CDC42BPA: variants seen among roughly 807,000 people sequenced by gnomAD.
CDC42BPA encodes CDC42 binding protein kinase alpha, also known as serine/threonine-protein kinase MRCK alpha.
CDC42BPA carries 80 observed loss-of-function variants against 223.5 expected under a neutral mutation model. That is an observed-to-expected ratio of 0.36 (90% confidence interval 0.30 to 0.43). The LOEUF is 0.43. CDC42BPA is among the 20% of genes least tolerant of loss of function. The pLI is 1.00. For missense variants in CDC42BPA, 1,743 were observed against 2,099.9 expected, an observed-to-expected ratio of 0.83 and a Z score of 3.32; for synonymous variants, 694 against 718.6, an observed-to-expected ratio of 0.97 and a Z score of 0.55.
intron 2 of CDC42BPA, among the ~76,000 whole-genome samples, chr1:227,230,255 C>T (rs1171763309): frequency 1.3e-5 from 2 of 152,190 alleles, no homozygotes; most frequent in Non-Finnish European, 1.5e-5. Flanking sequence ...TAAATTTATA[C>T]TTTAGTCAAG....
At chr1:227,038,929 C>T (rs1025057732) in intron 24 of CDC42BPA, among the ~76,000 whole-genome samples, 2 of 152,122 alleles carry the variant, frequency 1.3e-5, no homozygotes, top group Non-Finnish European at 2.9e-5. Context: ...GAGAGCCAAA[C>T]GATGATAGCA....
intron 23 of CDC42BPA, among the ~76,000 whole-genome samples, chr1:227,047,429 T>A (rs1246430184): frequency 6.6e-6 from 1 of 152,214 alleles, no homozygotes; most frequent in African/African-American, 2.4e-5. Context: ...ATCCAAGGTT[T>A]ATGTTCTGGA....
At position 227,070,715 on chromosome 1, in the gene CDC42BPA, T is replaced by G. The variant is rs151320103; in HGVS notation, c.2828-862A>C. ...TGAAGCATTAAAAACATCCTTGCCCTCATACTGTAAATATCACATTATATT... is the reference window on the plus strand; with the variant it reads ...TGAAGCATTAAAAACATCCTTGCCCGCATACTGTAAATATCACATTATATT... On this transcript the variant is annotated intron_variant, in intron 20 of 36. Transcript: ENST00000366766. Among the ~76,000 whole-genome samples, 66 of 151,976 alleles carry G rather than the reference T, an allele frequency of 4.3e-4. 1 individual carries two copies. Among genetic ancestry groups the G allele is most frequent in the African/African-American group, 1.5e-3 (64 of 41,550 alleles).
chr1:227,176,789 A>T (rs116175006), intron 5 of CDC42BPA, among the ~76,000 whole-genome samples: 2,157 of 152,258 alleles, frequency 0.014, 30 homozygotes, highest in Non-Finnish European at 0.021. Flanking sequence ...TCATGGAAAC[A>T]ACATTCCTAA....
intron 34 of CDC42BPA, among the ~76,000 whole-genome samples, chr1:227,015,057 G>A (rs2148481700): frequency 6.6e-6 from 1 of 152,062 alleles, no homozygotes; most frequent in South Asian, 2.1e-4. Context: ...CTGGGCTCAA[G>A]TAACCCTCCC....
At chr1:227,174,891 G>C (rs1196081400) in intron 5 of CDC42BPA, among the ~76,000 whole-genome samples, 1 of 152,150 alleles carries the variant, frequency 6.6e-6, no homozygotes, top group East Asian at 1.9e-4. Flanking sequence ...TGCCCTCAGG[G>C]AGAGATTCTA....
intron 34 of CDC42BPA, among the ~76,000 whole-genome samples, chr1:227,008,544 A>G (rs575762270): frequency 1.3e-5 from 2 of 152,318 alleles, no homozygotes; most frequent in South Asian, 2.1e-4. Context: ...TTGCCATGCA[A>G]TTGTGAAACT....
intron 23 of CDC42BPA, among the ~76,000 whole-genome samples, chr1:227,045,927 C>T (rs1243617452): frequency 6.6e-6 from 1 of 152,052 alleles, no homozygotes; most frequent in African/African-American, 2.4e-5. Flanking sequence ...CCTCCTCAAC[C>T]CCCAAGTAGC....
intron 1 of CDC42BPA, among the ~76,000 whole-genome samples, chr1:227,301,508 T>A (rs1395514555): frequency 1.3e-5 from 2 of 152,046 alleles, no homozygotes; most frequent in African/African-American, 4.8e-5. Context: ...TACAGGCATG[T>A]GCCACCATGC....
rs114663972 is a variant in CDC42BPA at position 227,169,955 on chromosome 1, C to T, written c.600-9319G>A. 6.0e-3 allele frequency among the ~76,000 whole-genome samples: 913 copies of T among 152,088 alleles called. 10 individuals are homozygous for T. The highest frequency in any genetic ancestry group is 0.021 in the African/African-American group (861 of 41,480). ...CCAATCCTATTTCTAATTAAGGCAC[C>T]CTGAACTTTTAAGTTTTATGAATAC... On this transcript the variant is annotated intron_variant, in intron 5 of 36. Transcript: ENST00000366766.
intron 2 of CDC42BPA, among the ~76,000 whole-genome samples, chr1:227,250,244 T>C (rs1354872560): frequency 1.3e-5 from 2 of 152,110 alleles, no homozygotes; most frequent in Non-Finnish European, 2.9e-5. Flanking sequence ...TCCCAGCACT[T>C]TGGGAGGCCA....
chr1:227,091,743 G>A (rs1194974553), intron 16 of CDC42BPA, 143 bp downstream of exon 16: 2 of 506,866 alleles, frequency 3.9e-6, no homozygotes, highest in East Asian at 3.2e-5. Flanking sequence ...ACAAAGAATT[G>A]CATATATCAT....
At chr1:226,995,633 G>A (rs190856157) in intron 35 of CDC42BPA, among the ~76,000 whole-genome samples, 1 of 152,142 alleles carries the variant, frequency 6.6e-6, no homozygotes, top group African/African-American at 2.4e-5. Flanking sequence ...TAAAAGTGAG[G>A]TTTTCTTCAA....
intron 19 of CDC42BPA, among the ~76,000 whole-genome samples, chr1:227,073,414 A>G (rs959746507): frequency 3.9e-5 from 6 of 152,122 alleles, no homozygotes; most frequent in Non-Finnish European, 7.4e-5. Context: ...AATTATACTT[A>G]AAAGATATTA....
At chr1:227,002,123 T>C (rs543771571) in intron 35 of CDC42BPA, among the ~76,000 whole-genome samples, 135 of 152,344 alleles carry the variant, frequency 8.9e-4, no homozygotes, top group Admixed American at 3.6e-3. Flanking sequence ...TCATGGATCT[T>C]GCTGGGAATA....
chr1:227,006,994 C>A (rs1280516838), intron 34 of CDC42BPA, among the ~76,000 whole-genome samples: 6 of 145,264 alleles, frequency 4.1e-5, no homozygotes, highest in Non-Finnish European at 9.1e-5. Context: ...AACAACAACC[C>A]CCCAGCAATT....
chr1:227,133,775 TGA>T (rs1408341558), intron 10 of CDC42BPA, among the ~76,000 whole-genome samples: 4 of 151,860 alleles, frequency 2.6e-5, no homozygotes, highest in Admixed American at 6.6e-5. Flanking sequence ...GCATGCTCGT[TGA>T]GAGTCATCAC....
rs1455858851 is a variant in CDC42BPA, at chr1:227,220,309, T to C, written c.271-7090A>G. Among the ~76,000 whole-genome samples the C allele has an allele frequency of 8.5e-3, 643 of 75,382 alleles. 8 individuals are homozygous for C. The highest frequency in any genetic ancestry group is 0.033 in the African/African-American group (595 of 17,978). 49.5% of individuals were successfully genotyped at this position (75,382 alleles called of 152,430 possible). A position where few individuals can be genotyped will look rare whatever the true frequency, so the allele number is the denominator to read the frequency against. ...ATATATATATATATATATATATATATATACACACACACACACACATACATA... is the reference window on the plus strand; with the variant it reads ...ATATATATATATATATATATATATACATACACACACACACACACATACATA... On this transcript the variant is annotated intron_variant, in intron 2 of 36. Coordinates refer to ENST00000366766, the MANE Select transcript of CDC42BPA (RefSeq NM_001394014.1).
In CDC42BPA at chr1:227,316,862, C is replaced by A. The variant is rs1405932479; in HGVS notation, c.178+143G>T. On this transcript the variant is annotated intron_variant, in intron 1 of 36. Coordinates refer to ENST00000366766, the MANE Select transcript of CDC42BPA (RefSeq NM_001394014.1). ...TGGGAAAATATTTACCAAAAACTAG[C>A]GGAAAATCTTGAATAACTAGTGTCT... The A allele has an allele frequency of 2.1e-5, 14 of 651,666 alleles. 1 individual carries two copies. In the South Asian group the frequency reaches 3.0e-4, roughly 14 times the overall value. 40.4% of individuals were successfully genotyped at this position (651,666 alleles called of 1,614,324 possible). A position where few individuals can be genotyped will look rare whatever the true frequency, so the allele number is the denominator to read the frequency against.
Sources: allele counts gnomAD v4.1 joint callset (sites outside exome capture counted in the v4.1 genomes callset), GRCh38; gene constraint gnomAD v4.1.1; transcripts MANE v1.5; gene names NCBI Gene and HGNC (gene_info 2026-07-23, HGNC 2026-07-21).